The following SGK3 variants were observed in gnomAD, a reference collection of about 807,000 sequenced individuals.
The protein encoded by SGK3 is serum/glucocorticoid regulated kinase family member 3.
A neutral mutation model predicts 68.5 loss-of-function variants in SGK3; 47 were observed. The observed-to-expected ratio is 0.69, with a 90% CI of 0.54 to 0.87. The LOEUF (loss-of-function observed/expected upper bound fraction) is 0.87, where lower values mean the gene tolerates loss of function less well. Ranked by LOEUF, SGK3 falls within the 40% of genes least tolerant of loss-of-function variation. The pLI is 0.00. For missense variants in SGK3, 479 were observed against 575.5 expected (o/e 0.83, Z 1.72); for synonymous variants, 181 against 189.1 (o/e 0.96, Z 0.35).
intron 6 of SGK3, among the ~76,000 whole-genome samples, chr8:66,825,712 G>A (rs776823208): frequency 3.9e-5 from 6 of 152,084 alleles, no homozygotes; most frequent in Admixed American, 6.6e-5. Flanking sequence ...TAGAGGCCAA[G>A]GGAAGTCAAG....
At chr8:66,722,494 G>A (rs368989765) in intron 1 of SGK3, among the ~76,000 whole-genome samples, 2 of 152,122 alleles carry the variant, frequency 1.3e-5, no homozygotes, top group African/African-American at 2.4e-5. Context: ...GGATGGTCTC[G>A]ATCTGCTGAC....
chr8:66,803,521 G>A (rs980407486), intron 3 of SGK3, among the ~76,000 whole-genome samples: 16 of 141,130 alleles, frequency 1.1e-4, no homozygotes, highest in African/African-American at 3.8e-4. Context: ...TTACATGTGT[G>A]TGTGTATTTT....
At chr8:66,745,362 G>T (rs948854463) in intron 1 of SGK3, among the ~76,000 whole-genome samples, 1 of 152,070 alleles carries the variant, frequency 6.6e-6, no homozygotes, top group African/African-American at 2.4e-5. Context: ...ACGAGGTCAG[G>T]AGATCGAGAC....
chr8:66,759,360 C>T (rs1165106391), intron 1 of SGK3, among the ~76,000 whole-genome samples: 2 of 152,052 alleles, frequency 1.3e-5, no homozygotes, highest in Non-Finnish European at 2.9e-5. Context: ...GCTGGGATTA[C>T]AGGCCAGGCG....
intron 16 of SGK3, among the ~76,000 whole-genome samples, chr8:66,852,236 T>C (rs1339343360): frequency 1.3e-5 from 2 of 151,896 alleles, no homozygotes; most frequent in African/African-American, 2.4e-5. Context: ...TTTATTTTCT[T>C]TTTTTAAGTT....
At chr8:66,761,919 T>G (rs1806176147) in intron 1 of SGK3, among the ~76,000 whole-genome samples, 1 of 152,234 alleles carries the variant, frequency 6.6e-6, no homozygotes, top group African/African-American at 2.4e-5. Flanking sequence ...TGGCTAAATC[T>G]TATTGCACTC....
intron 15 of SGK3, among the ~76,000 whole-genome samples, 170 bp downstream of exon 15, chr8:66,847,518 A>G (rs185221212): frequency 6.6e-5 from 10 of 152,354 alleles, no homozygotes; most frequent in African/African-American, 1.9e-4. Flanking sequence ...ATATAAAACT[A>G]TGTAGTATTT....
At chr8:66,768,615 A>C (rs1416748743) in intron 1 of SGK3, among the ~76,000 whole-genome samples, 3 of 152,046 alleles carry the variant, frequency 2.0e-5, no homozygotes, top group African/African-American at 7.2e-5. Context: ...CCCAGTCTGG[A>C]GTGCAGTGGT....
intron 5 of SGK3, among the ~76,000 whole-genome samples, chr8:66,820,504 G>C (rs905721171): frequency 6.6e-6 from 1 of 152,066 alleles, no homozygotes; most frequent in African/African-American, 2.4e-5. Flanking sequence ...GAATAATGCT[G>C]CTATGAGAAA....
chr8:66,857,136 A>C (rs940054572), intron 16 of SGK3, among the ~76,000 whole-genome samples: 1 of 152,156 alleles, frequency 6.6e-6, no homozygotes, highest in Non-Finnish European at 1.5e-5. Flanking sequence ...AGAATCCAAG[A>C]GCCCATGCTT....
intron 1 of SGK3, among the ~76,000 whole-genome samples, chr8:66,724,921 GTC>G (rs903469157): frequency 4.6e-5 from 7 of 152,010 alleles, no homozygotes; most frequent in African/African-American, 1.7e-4. Flanking sequence ...ACGAAACCCC[GTC>G]TCTACTAAAA....
Position 66,840,056 on chromosome 8 carries a change from T to A in SGK3, c.795T>A (p.Phe265Leu). 1 of 1,614,118 alleles carries A rather than the reference T, an allele frequency of 6.2e-7. No homozygotes were observed. ...CCTTTCCTGAGCACAGAGCTAGGTTTTACGCTGCTGAAATTGCTAGTGCAT... is the reference window on the plus strand; with the variant it reads ...CCTTTCCTGAGCACAGAGCTAGGTTATACGCTGCTGAAATTGCTAGTGCAT... ...ERSFPEHRARFYAAEIASALG... is the reference protein window; with the variant it reads ...ERSFPEHRARLYAAEIASALG... Residue 265 changes from phenylalanine (F) to leucine (L), a missense_variant, in exon 11 of 17, where the codon TTT becomes TTA. By Grantham distance (22) the Phe-to-Leu change is conservative (BLOSUM62 0). Around this residue, in one of 3 missense-constraint regions of SGK3, gnomAD observed 298 missense variants for 329.4 expected, o/e 0.90. Transcript: ENST00000521198.
At chr8:66,823,785 G>A (rs1018704223) in intron 6 of SGK3, among the ~76,000 whole-genome samples, 1 of 151,690 alleles carries the variant, frequency 6.6e-6, no homozygotes, top group African/African-American at 2.4e-5. Context: ...ACCATTCGAA[G>A]GTTATGTGGG....
chr8:66,841,153 A>C, intron 13 of SGK3, 43 bp downstream of exon 13: 1 of 1,431,666 alleles, frequency 7.0e-7, no homozygotes, highest in South Asian at 1.4e-5. Context: ...TCATGTATAA[A>C]ATGCAAATAT....
chr8:66,825,590 A>G (rs1162482973), intron 6 of SGK3, among the ~76,000 whole-genome samples: 1 of 152,112 alleles, frequency 6.6e-6, no homozygotes, highest in Non-Finnish European at 1.5e-5. Context: ...TACCGGCATG[A>G]GCCACCTCGT....
chr8:66,760,724 T>C (rs746844947), intron 1 of SGK3, among the ~76,000 whole-genome samples: 28 of 152,152 alleles, frequency 1.8e-4, no homozygotes, highest in Admixed American at 9.2e-4. Context: ...AAAAATGAGA[T>C]TCTATGAAAA....
At chr8:66,747,104 T>A (rs572784535) in intron 1 of SGK3, among the ~76,000 whole-genome samples, 1 of 152,296 alleles carries the variant, frequency 6.6e-6, no homozygotes, top group Admixed American at 6.5e-5. Context: ...TTTTAGATTT[T>A]GACAGGCTAG....
chr8:66,718,288 G>A (rs1053520574), intron 1 of SGK3, among the ~76,000 whole-genome samples: 1 of 151,916 alleles, frequency 6.6e-6, no homozygotes, highest in African/African-American at 2.4e-5. Context: ...GCCTCCCAAA[G>A]TGCTGGGATT....
intron 1 of SGK3, among the ~76,000 whole-genome samples, chr8:66,778,513 G>T (rs959040133): frequency 1.3e-5 from 2 of 152,160 alleles, no homozygotes; most frequent in Admixed American, 6.5e-5. Context: ...AGCCAGGATG[G>T]TCTCGATCTC....
Sources: gnomAD v4.1 joint callset for allele counts (sites outside exome capture counted in the v4.1 genomes callset) on GRCh38, gnomAD v4.1.1 for gene constraint, gnomAD v4.1.1 regional missense constraint, MANE v1.5 for transcripts, NCBI Gene and HGNC (gene_info 2026-07-23, HGNC 2026-07-21) for gene names.